The following ABCA12 variants were observed in gnomAD, a reference collection of about 807,000 sequenced individuals.
ABCA12 encodes the protein ATP binding cassette subfamily A member 12, also known as glucosylceramide transporter ABCA12.
In ABCA12, 156 loss-of-function variants were observed where a neutral mutation model predicts 293.5. The observed-to-expected ratio is 0.53, with a 90% confidence interval of 0.47 to 0.61. The LOEUF (loss-of-function observed/expected upper bound fraction) is 0.61. Among genes scored for constraint, ABCA12 ranks in the 20% least tolerant of loss-of-function variants. The pLI, the probability that ABCA12 is intolerant of heterozygous loss-of-function variation, is 0.00. For synonymous variants in ABCA12, 1,063 were observed against 1,108.0 expected, an observed-to-expected ratio of 0.96 and a Z score of 0.81; for missense variants, 2,797 against 3,090.2, an observed-to-expected ratio of 0.91 and a Z score of 2.25.
Position 215,031,863 on chromosome 2 carries a change from T to G in ABCA12, c.1019A>C (p.Glu340Ala). 1 of 1,614,016 alleles carries G rather than the reference T, an allele frequency of 6.2e-7. No individual in the cohort carries two copies. The change falls in exon 9 of 53, where the codon GAG (glutamate) becomes GCG (alanine). Residue 340 changes from glutamate (E) to alanine (A), a missense_variant. By Grantham distance (107) the Glu-to-Ala change is moderately radical. This residue lies in a region of ABCA12 where 656 missense variants were observed against 638.2 expected (regional missense o/e 1.03). Transcript: ENST00000272895. ...TGGAGATAAGGTCTGTCCATCATCC[T>G]CATTCCACACATGCGTTATATTATC... Reference protein sequence around the residue: ...DSDNITHVWNEDDGQTLSPSS... With the variant: ...DSDNITHVWNADDGQTLSPSS...
chr2:214,948,827 C>A, intron 46 of ABCA12, 90 bp from the exon 47 acceptor site: 1 of 1,520,898 alleles, frequency 6.6e-7, no homozygotes, highest in South Asian at 1.1e-5. Context: ...CTATTTTGGT[C>A]ATGGTGGTCA....
Position 214,940,755 on chromosome 2 carries a change from T to TAGA in ABCA12, c.7436+2167_7436+2169dup, listed in dbSNP as rs138711777. Among the ~76,000 whole-genome samples the TAGA allele has an allele frequency of 4.6e-3, 702 of 152,324 alleles. 6 individuals are homozygous for TAGA. Among genetic ancestry groups the TAGA allele is most frequent in the African/African-American group, 0.016 (679 of 41,584 alleles). ...TTCTAGAATTTCTAGTTTATTTGTG[T>TAGA]AGAAGTGTTTATAGTATTCTCTGAT... On this transcript the variant is annotated intron_variant, in intron 50 of 52. Transcript: ENST00000272895.
chr2:215,050,797 A>G (rs1219328069), intron 5 of ABCA12: 34 of 985,198 alleles, frequency 3.5e-5, no homozygotes, highest in Non-Finnish European at 3.9e-5. Context: ...AACTCACCCA[A>G]AAATGATTTC....
chr2:214,948,997 A>C (rs1698667035), intron 46 of ABCA12, 43 bp downstream of exon 46: 1 of 1,478,058 alleles, frequency 6.8e-7, no homozygotes, highest in Non-Finnish European at 9.5e-7. Context: ...TTTCTCATTT[A>C]AGTATGTTGT....
chr2:215,133,643 G>A (rs1703112669), intron 1 of ABCA12, among the ~76,000 whole-genome samples: 2 of 152,096 alleles, frequency 1.3e-5, no homozygotes, highest in Admixed American at 1.3e-4. Flanking sequence ...CAGCAGGTTA[G>A]CAACTGCACC....
intron 1 of ABCA12, among the ~76,000 whole-genome samples, chr2:215,135,820 T>G (rs1703213681): frequency 6.6e-6 from 1 of 152,178 alleles, no homozygotes; most frequent in Non-Finnish European, 1.5e-5. Flanking sequence ...CCTTTTTAAG[T>G]GTAATGCCAT....
At chr2:215,037,172 T>A in intron 7 of ABCA12, 107 bp from the exon 8 acceptor site, 1 of 842,758 alleles carries the variant, frequency 1.2e-6, no homozygotes, top group Non-Finnish European at 1.9e-6. Flanking sequence ...ATTCTTATAA[T>A]ATAAAAGACA....
At chr2:215,005,137 C>T (rs1244771219) in intron 19 of ABCA12, among the ~76,000 whole-genome samples, 3 of 152,124 alleles carry the variant, frequency 2.0e-5, no homozygotes, top group Non-Finnish European at 4.4e-5. Flanking sequence ...TACAACAACA[C>T]TTTGAGGTAA....
chr2:215,130,565 G>GT (rs1703031896), intron 1 of ABCA12, among the ~76,000 whole-genome samples: 1 of 152,080 alleles, frequency 6.6e-6, no homozygotes, highest in Non-Finnish European at 1.5e-5. Flanking sequence ...ACTGATTTGA[G>GT]TATGTTGATT....
chr2:215,069,629 A>G (rs1003414967), intron 2 of ABCA12, among the ~76,000 whole-genome samples: 4 of 152,212 alleles, frequency 2.6e-5, no homozygotes, highest in Non-Finnish European at 4.4e-5. Flanking sequence ...TCTCCTTCGC[A>G]TGCACCTTTC....
intron 2 of ABCA12, among the ~76,000 whole-genome samples, chr2:215,098,059 A>G (rs1256509916): frequency 1.3e-5 from 2 of 152,192 alleles, no homozygotes; most frequent in African/African-American, 2.4e-5. Context: ...CACAGGAGTT[A>G]GGTTCAATTT....
chr2:215,036,971 G>T lies in ABCA12; in HGVS notation c.967C>A (p.Leu323Met). The stretch of plus-strand genomic sequence containing the variant: ...ATAATACCTTGAGCTGGGGAGTCCA[G>T]AGTGTACAGCAGATGTTTAACAGAC... ...QKSVKHLLYT[L>M]DSPAQGDSDN... Residue 323 changes from leucine to methionine, a missense_variant, in exon 8 of 53, where the codon CTG (leucine) becomes ATG (methionine). This residue lies in a region of ABCA12 where 656 missense variants were observed against 638.2 expected (regional missense o/e 1.03). Transcript: ENST00000272895. 6.2e-7 allele frequency: 1 copy of T among 1,613,850 alleles called. No homozygotes were observed. The highest frequency in any genetic ancestry group is 8.5e-7 in the Non-Finnish European group (1 of 1,179,780).
chr2:214,998,025 A>G (rs1450069006), intron 22 of ABCA12, among the ~76,000 whole-genome samples: 1 of 370 alleles, frequency 2.7e-3, no homozygotes, highest in Non-Finnish European at 0.026. Flanking sequence ...AAGAGTAAGA[A>G]AAAAAAAAGC....
At chr2:215,018,194 A>G (rs1700548874) in intron 13 of ABCA12, 62 bp from the exon 14 acceptor site, 14 of 1,571,690 alleles carry the variant, frequency 8.9e-6, no homozygotes, top group Non-Finnish European at 1.2e-5. Flanking sequence ...TCTTTTTAGT[A>G]TGACTAACAT....
At chr2:215,110,535 A>T (rs1702551844) in intron 2 of ABCA12, among the ~76,000 whole-genome samples, 1 of 152,178 alleles carries the variant, frequency 6.6e-6, no homozygotes, top group Non-Finnish European at 1.5e-5. Context: ...AACAAAAAAG[A>T]AATAAGGTAC....
intron 7 of ABCA12, among the ~76,000 whole-genome samples, chr2:215,037,606 A>G (rs1701019449): frequency 6.6e-6 from 1 of 152,178 alleles, no homozygotes; most frequent in African/African-American, 2.4e-5. Flanking sequence ...GTCTATAGGC[A>G]CTATTCCAGA....
At chr2:215,138,070 A>T in intron 1 of ABCA12, 70 bp downstream of exon 1, 1 of 1,445,020 alleles carries the variant, frequency 6.9e-7, no homozygotes, top group South Asian at 1.1e-5. Flanking sequence ...ACTTCTCATT[A>T]AGATCACATT....
chr2:214,936,542 TC>T (rs1321368438), intron 51 of ABCA12, among the ~76,000 whole-genome samples: 1 of 152,226 alleles, frequency 6.6e-6, no homozygotes, highest in Non-Finnish European at 1.5e-5. Flanking sequence ...TGCCTGTATA[TC>T]AAAGATGTAA....
At chr2:214,984,938 G>A (rs925646357) in intron 28 of ABCA12, among the ~76,000 whole-genome samples, 3 of 152,132 alleles carry the variant, frequency 2.0e-5, no homozygotes, top group African/African-American at 7.2e-5. Context: ...CTTTCAGATA[G>A]TTAGTAAACT....
Sources: allele counts gnomAD v4.1 joint callset (sites outside exome capture counted in the v4.1 genomes callset), GRCh38; gene constraint gnomAD v4.1.1; regional missense constraint gnomAD v4.1.1; transcripts MANE v1.5; gene names NCBI Gene and HGNC (gene_info 2026-07-23, HGNC 2026-07-21).